Variants in TACC1 observed in about 807,000 individuals in gnomAD.
The protein encoded by TACC1 is transforming acidic coiled-coil-containing protein 1.
A neutral mutation model predicts 84.4 loss-of-function variants in TACC1; 48 were observed. The observed-to-expected ratio is 0.57, with a 90% CI of 0.45 to 0.72. The LOEUF (loss-of-function observed/expected upper bound fraction) is 0.72, where lower values mean the gene tolerates loss of function less well. Among genes scored for constraint, TACC1 ranks in the 30% least tolerant of loss-of-function variants. The pLI is 0.00. For synonymous variants in TACC1, 372 were observed against 376.3 expected (o/e 0.99, Z 0.13); for missense variants, 920 against 973.0 (o/e 0.95, Z 0.72).
At chr8:38,803,024 A>G (rs933357042) in intron 2 of TACC1, among the ~76,000 whole-genome samples, 3 of 152,164 alleles carry the variant, frequency 2.0e-5, no homozygotes, top group South Asian at 2.1e-4. Flanking sequence ...TATTTCCTAA[A>G]TATTTTATTT....
At chr8:38,815,143 A>T (rs1048005070) in intron 2 of TACC1, among the ~76,000 whole-genome samples, 1 of 152,220 alleles carries the variant, frequency 6.6e-6, no homozygotes, top group African/African-American at 2.4e-5. Flanking sequence ...GCGCACCAGG[A>T]TAAAGATGTT....
intron 3 of TACC1, among the ~76,000 whole-genome samples, chr8:38,771,685 A>G (rs1813650187): frequency 6.6e-6 from 1 of 152,208 alleles, no homozygotes; most frequent in Admixed American, 6.5e-5. Context: ...CAAGTTTCTC[A>G]TGCAGTAGAG....
At chr8:38,790,395 A>G (rs1255422939) in intron 2 of TACC1, among the ~76,000 whole-genome samples, 1 of 152,250 alleles carries the variant, frequency 6.6e-6, no homozygotes, top group Non-Finnish European at 1.5e-5. Context: ...TTTGAGAGAC[A>G]TAATTCAGCC....
intron 11 of TACC1, 133 bp from the exon 12 acceptor site, chr8:38,846,566 T>G: frequency 1.8e-6 from 2 of 1,135,678 alleles, no homozygotes; most frequent in South Asian, 4.4e-5. Context: ...GATTTTTGTT[T>G]TTTTTCTCTC....
In TACC1 at chr8:38,848,147, A is replaced by G; in HGVS notation, c.*124A>G. The G allele has an allele frequency of 1.2e-6, 1 of 856,112 alleles. No homozygotes were observed. Among genetic ancestry groups the G allele is most frequent in the Non-Finnish European group, 1.8e-6 (1 of 557,706 alleles). The allele number at this position is 856,112 out of a possible 1,614,324, so 53.0% of individuals were successfully genotyped here. On this transcript the variant is annotated 3_prime_UTR_variant, in exon 13 of 13. Transcript: ENST00000317827. ...AAAAAAAAAAACTTAAAAAAAGCAC[A>G]TGCCTACTGCTGCCTGTCCCGCTTT...
chr8:38,837,918 A>G (rs2152308570), intron 7 of TACC1, among the ~76,000 whole-genome samples: 1 of 152,360 alleles, frequency 6.6e-6, no homozygotes, highest in Middle Eastern at 3.4e-3. Flanking sequence ...GCAAGACTCT[A>G]CCCATAAGTG....
chr8:38,781,991 TTTA>T lies in TACC1; in HGVS notation c.27-6707_27-6705del, dbSNP rs1311630735. Among the ~76,000 whole-genome samples the T allele has an allele frequency of 4.0e-5, 6 of 150,682 alleles. No homozygotes were observed. The East Asian group carries it at 9.6e-4, about 24-fold the overall frequency. On this transcript the variant is annotated intron_variant, in intron 3 of 14. Coordinates refer to the TACC1 transcript ENST00000518415. ...TTGTAAATCTTTATTTTTTTTATTT[TTTA>T]TTATTTTTTTTTGCAGATTTCTTTT...
intron 1 of TACC1, among the ~76,000 whole-genome samples, chr8:38,741,221 T>C (rs1046184368): frequency 6.6e-6 from 1 of 151,752 alleles, no homozygotes; most frequent in Non-Finnish European, 1.5e-5. Context: ...AGTGGCATGA[T>C]CTCTGCTCAC....
intron 3 of TACC1, among the ~76,000 whole-genome samples, chr8:38,752,572 T>C (rs967297759): frequency 6.6e-6 from 1 of 152,122 alleles, no homozygotes; most frequent in African/African-American, 2.4e-5. Flanking sequence ...GTGGAAACCT[T>C]AACCACGGAC....
chr8:38,843,172 TA>T, intron 10 of TACC1, 116 bp from the exon 11 acceptor site: 1 of 662,332 alleles, frequency 1.5e-6, no homozygotes, highest in Non-Finnish European at 2.5e-6. Flanking sequence ...AGAGTATGAA[TA>T]AAAGCCATCT....
intron 2 of TACC1, among the ~76,000 whole-genome samples, chr8:38,817,177 A>G (rs535120246): frequency 4.9e-4 from 75 of 151,922 alleles, no homozygotes; most frequent in Non-Finnish European, 5.4e-4. Flanking sequence ...AAACCTTGAT[A>G]TAATCAAGAC....
exon 3 of TACC1, chr8:38,745,323 A>C (rs576641568): frequency 1.9e-6 from 1 of 537,188 alleles, no homozygotes; most frequent in South Asian, 2.5e-5. Context: ...AACAACACTC[A>C]TCAGAGAAAA....
chr8:38,787,490 G>A lies in TACC1; in HGVS notation c.-93G>A. 1 of 1,401,548 alleles carries A rather than the reference G, an allele frequency of 7.1e-7. No individual in the cohort carries two copies. Among genetic ancestry groups the A allele is most frequent in the South Asian group, 1.6e-5 (1 of 64,330 alleles). 86.8% of individuals were successfully genotyped at this position (1,401,548 alleles called of 1,614,324 possible). On this transcript the variant is annotated 5_prime_UTR_variant, in exon 1 of 13. Coordinates refer to ENST00000317827, the MANE Select transcript of TACC1 (RefSeq NM_006283.3). Reference sequence around the variant, plus strand: ...GCCTCTGCTGGAAACGCTTGCTGGCGCCTGTCACCGGTTCCCTCCATTTTG... The same window carrying A: ...GCCTCTGCTGGAAACGCTTGCTGGCACCTGTCACCGGTTCCCTCCATTTTG...
chr8:38,788,917 A>G, intron 2 of TACC1, 98 bp downstream of exon 2: 4 of 984,916 alleles, frequency 4.1e-6, no homozygotes, highest in Non-Finnish European at 6.0e-6. Context: ...GGACCATTTA[A>G]GAGAGTTTGA....
intron 2 of TACC1, among the ~76,000 whole-genome samples, chr8:38,813,382 G>A (rs1824686975): frequency 2.0e-5 from 3 of 152,056 alleles, no homozygotes; most frequent in Non-Finnish European, 2.9e-5. Flanking sequence ...CGACAGATTT[G>A]GTAAAATCTG....
At chr8:38,803,594 G>C (rs2152086253) in intron 2 of TACC1, among the ~76,000 whole-genome samples, 1 of 152,276 alleles carries the variant, frequency 6.6e-6, no homozygotes. Flanking sequence ...AAGCAACCTT[G>C]CATTCCTGGG....
At chr8:38,746,750 G>T (rs1190290352) in intron 3 of TACC1, among the ~76,000 whole-genome samples, 1 of 151,938 alleles carries the variant, frequency 6.6e-6, no homozygotes, top group Non-Finnish European at 1.5e-5. Flanking sequence ...ACTGTAAATG[G>T]GCCATGAAAA....
chr8:38,802,740 G>A (rs940027160), intron 2 of TACC1, among the ~76,000 whole-genome samples: 13 of 152,180 alleles, frequency 8.5e-5, no homozygotes, highest in Admixed American at 8.5e-4. Context: ...GGTGGAGCAG[G>A]TGTGTCACAT....
chr8:38,729,931 G>T lies in TACC1; in HGVS notation c.-675+1260G>T, dbSNP rs561547491. ...TAAGGACATCCTTGCTCCTTGGAAG[G>T]GATGCAGGTCCCCTTTGTGGAGTTC... On this transcript the variant is annotated intron_variant, in intron 1 of 14. Transcript: ENST00000518415. Among the ~76,000 whole-genome samples, 90 of 152,306 alleles carry T rather than the reference G, an allele frequency of 5.9e-4. 2 individuals carry two copies. The South Asian group carries it at 0.018, about 30-fold the overall frequency.
Sources: gnomAD v4.1 joint callset for allele counts (sites outside exome capture counted in the v4.1 genomes callset) on GRCh38, gnomAD v4.1.1 for gene constraint, MANE v1.5 for transcripts, NCBI Gene and HGNC (gene_info 2026-07-23, HGNC 2026-07-21) for gene names.